DNM3: variants seen among roughly 807,000 people sequenced by gnomAD.
DNM3 encodes the protein dynamin 3, also known as dynamin-3.
DNM3 carries 47 observed loss-of-function variants against 101.6 expected under a neutral mutation model. The ratio of observed to expected loss-of-function variants is 0.46; its 90% CI spans 0.37 to 0.59. The LOEUF (loss-of-function observed/expected upper bound fraction) is 0.59. Among genes scored for constraint, DNM3 ranks in the 20% least tolerant of loss-of-function variants. The pLI is 0.00. For synonymous variants in DNM3, 385 were observed against 387.9 expected, an observed-to-expected ratio of 0.99 and a Z score of 0.09; for missense variants, 849 against 1,085.7, an observed-to-expected ratio of 0.78 and a Z score of 3.06.
At chr1:171,843,902 C>T (rs2031662389) in intron 1 of DNM3, among the ~76,000 whole-genome samples, 1 of 152,082 alleles carries the variant, frequency 6.6e-6, no homozygotes, top group South Asian at 2.1e-4. Context: ...ATTTGTTGTA[C>T]TTTAAAAAGT....
chr1:172,055,133 G>C (rs1449027141), intron 10 of DNM3, among the ~76,000 whole-genome samples: 1 of 152,106 alleles, frequency 6.6e-6, no homozygotes, highest in Non-Finnish European at 1.5e-5. Flanking sequence ...CAAGGCCCTA[G>C]ACAATCTTGC....
chr1:172,138,443 C>T lies in DNM3; in HGVS notation c.1659+7155C>T, dbSNP rs376572531. On this transcript the variant is annotated intron_variant, in intron 14 of 20. Coordinates refer to ENST00000627582, the MANE Select transcript of DNM3 (RefSeq NM_015569.5). ...TTAGAATAATTTATTCTTTGTTAAG[C>T]ATCAGACTGAAGTTATATTGTTTTG... 10 of 149,428 alleles carry T rather than the reference C, an allele frequency of 6.7e-5. No homozygotes were observed. In the East Asian group the frequency reaches 1.4e-3, roughly 21 times the overall value. 9.3% of individuals were successfully genotyped at this position (149,428 alleles called of 1,614,324 possible).
intron 1 of DNM3, among the ~76,000 whole-genome samples, chr1:171,894,138 A>T (rs1258348957): frequency 5.3e-5 from 8 of 150,694 alleles, no homozygotes; most frequent in Admixed American, 5.3e-4. Flanking sequence ...TTGTATTTTT[A>T]ATAGAGCCGG....
chr1:172,418,145 A>G, intron 20 of DNM3: 1 of 604,800 alleles, frequency 1.7e-6, no homozygotes, highest in Admixed American at 3.4e-5. Context: ...TTTGTGTGTG[A>G]TTTGAATTTG....
intron 4 of DNM3, among the ~76,000 whole-genome samples, chr1:172,019,418 C>CTT (rs55837580): frequency 1.9e-4 from 28 of 145,138 alleles, no homozygotes; most frequent in Admixed American, 2.8e-4. Flanking sequence ...TTTATTTTTG[C>CTT]TTTTTTTTTT....
At chr1:171,940,765 A>G (rs1173561623) in intron 2 of DNM3, among the ~76,000 whole-genome samples, 1 of 152,098 alleles carries the variant, frequency 6.6e-6, no homozygotes, top group African/African-American at 2.4e-5. Context: ...CTTGACATGT[A>G]TATGATATAC....
At chr1:172,185,523 G>C (rs895748091) in intron 14 of DNM3, among the ~76,000 whole-genome samples, 2 of 152,036 alleles carry the variant, frequency 1.3e-5, no homozygotes, top group Non-Finnish European at 2.9e-5. Context: ...GCTTGGCAGA[G>C]GAAAGGCTGA....
chr1:171,900,419 A>G (rs1307639489), intron 1 of DNM3, among the ~76,000 whole-genome samples: 1 of 152,156 alleles, frequency 6.6e-6, no homozygotes, highest in East Asian at 1.9e-4. Context: ...GCGGACAACC[A>G]AAGATACTGA....
intron 14 of DNM3, among the ~76,000 whole-genome samples, chr1:172,245,995 A>G (rs2061938341): frequency 6.6e-6 from 1 of 152,198 alleles, no homozygotes; most frequent in South Asian, 2.1e-4. Flanking sequence ...AGTCACGGCT[A>G]AAGGTGAAGA....
intron 4 of DNM3, among the ~76,000 whole-genome samples, chr1:172,000,738 G>GA (rs1182249452): frequency 6.6e-6 from 1 of 152,050 alleles, no homozygotes; most frequent in African/African-American, 2.4e-5. Flanking sequence ...TGGTGACCTT[G>GA]ATAAGAAGGG....
intron 11 of DNM3, among the ~76,000 whole-genome samples, chr1:172,070,618 T>C (rs1339090693): frequency 6.6e-6 from 1 of 152,198 alleles, no homozygotes; most frequent in Non-Finnish European, 1.5e-5. Flanking sequence ...ACCATGTTGT[T>C]AAGATTGTGG....
At chr1:172,335,976 G>T (rs909985783) in intron 17 of DNM3, among the ~76,000 whole-genome samples, 1 of 152,002 alleles carries the variant, frequency 6.6e-6, no homozygotes, top group East Asian at 1.9e-4. Context: ...AAAAAAGAAG[G>T]GAAAGAGAAT....
intron 1 of DNM3, among the ~76,000 whole-genome samples, chr1:171,871,438 C>A (rs953480072): frequency 2.6e-5 from 4 of 152,170 alleles, no homozygotes; most frequent in African/African-American, 9.6e-5. Context: ...GGATTAGGAT[C>A]CAGCCCAGAT....
At chr1:171,851,983 G>A (rs2033033256) in intron 1 of DNM3, among the ~76,000 whole-genome samples, 1 of 152,104 alleles carries the variant, frequency 6.6e-6, no homozygotes, top group Admixed American at 6.5e-5. Flanking sequence ...TCATTTATTT[G>A]GTTATTTTCT....
At chr1:172,041,179 G>A (rs534001680) in intron 7 of DNM3, among the ~76,000 whole-genome samples, 3 of 152,220 alleles carry the variant, frequency 2.0e-5, no homozygotes, top group South Asian at 4.2e-4. Flanking sequence ...ATTGCTGAGA[G>A]CTGAACCAAG....
chr1:172,146,222 T>C (rs2148199041), intron 14 of DNM3, among the ~76,000 whole-genome samples: 1 of 152,318 alleles, frequency 6.6e-6, no homozygotes, highest in East Asian at 1.9e-4. Context: ...CGCTGCATTG[T>C]ATATTTCAAA....
intron 11 of DNM3, among the ~76,000 whole-genome samples, chr1:172,078,714 G>C (rs945174926): frequency 6.6e-6 from 1 of 152,162 alleles, no homozygotes; most frequent in Admixed American, 6.5e-5. Flanking sequence ...TTTCTTTATA[G>C]TGTCGATTTT....
chr1:172,180,336 G>A (rs1330395481), intron 14 of DNM3, among the ~76,000 whole-genome samples: 1 of 152,030 alleles, frequency 6.6e-6, no homozygotes, highest in Non-Finnish European at 1.5e-5. Flanking sequence ...CTTTTACCCT[G>A]TATCGTAGAT....
intron 15 of DNM3, among the ~76,000 whole-genome samples, chr1:172,304,994 AATT>A (rs904902661): frequency 2.6e-5 from 4 of 152,088 alleles, no homozygotes; most frequent in African/African-American, 9.7e-5. Flanking sequence ...AAAGCAAACA[AATT>A]CAAAAGCTAG....
Sources: allele counts gnomAD v4.1 joint callset (sites outside exome capture counted in the v4.1 genomes callset), GRCh38; gene constraint gnomAD v4.1.1; transcripts MANE v1.5; gene names NCBI Gene and HGNC (gene_info 2026-07-23, HGNC 2026-07-21).